Variants in CCDC178 observed in about 807,000 individuals in gnomAD.
CCDC178 encodes coiled-coil domain-containing protein 178.
In CCDC178, 126 loss-of-function variants were observed where a neutral mutation model predicts 117.4. The ratio of observed to expected loss-of-function variants is 1.07; its 90% CI spans 0.93 to 1.24. CCDC178 has a LOEUF of 1.24. Ranked by LOEUF, CCDC178 falls within the 50% of genes most tolerant of loss-of-function variation. The probability of loss-of-function intolerance (pLI) is 0.00; values close to 1 mark genes in which losing one functional copy is unlikely to be tolerated. For missense variants in CCDC178, 1,030 were observed against 986.9 expected (o/e 1.04, Z -0.59); for synonymous variants, 283 against 313.4 (o/e 0.90, Z 1.02).
chr18:33,060,379 T>A (rs1241049451), intron 21 of CCDC178, among the ~76,000 whole-genome samples: 1 of 152,126 alleles, frequency 6.6e-6, no homozygotes, highest in Non-Finnish European at 1.5e-5. Context: ...CCATTGCTAA[T>A]GGTGCCACAT....
intron 5 of CCDC178, among the ~76,000 whole-genome samples, chr18:33,381,161 T>C (rs935871448): frequency 2.6e-5 from 4 of 152,164 alleles, no homozygotes; most frequent in African/African-American, 9.7e-5. Flanking sequence ...CTAATCTCTT[T>C]CGTATTCATT....
chr18:33,305,414 C>A (rs1234357143), intron 11 of CCDC178, among the ~76,000 whole-genome samples: 1 of 152,074 alleles, frequency 6.6e-6, no homozygotes, highest in Non-Finnish European at 1.5e-5. Context: ...CACAGGGATG[C>A]CTGGCACAAG....
At chr18:33,323,708 TATTG>T (rs2062548346) in intron 10 of CCDC178, 75 bp from the exon 11 acceptor site, 2 of 894,706 alleles carry the variant, frequency 2.2e-6, no homozygotes, top group African/African-American at 3.5e-5. Flanking sequence ...CTTAGTGTAG[TATTG>T]ATTTAGATCA....
At chr18:33,439,229 A>C (rs2064340267) in intron 2 of CCDC178, among the ~76,000 whole-genome samples, 1 of 152,226 alleles carries the variant, frequency 6.6e-6, no homozygotes. Flanking sequence ...AAAGAAGAAT[A>C]TATGCAATTA....
intron 20 of CCDC178, among the ~76,000 whole-genome samples, chr18:33,117,328 T>C (rs1304665884): frequency 2.0e-5 from 3 of 152,090 alleles, no homozygotes; most frequent in Non-Finnish European, 4.4e-5. Flanking sequence ...ATGGTGTTTA[T>C]GGCAATTAAT....
At chr18:33,079,996 T>C (rs1301006745) in intron 21 of CCDC178, among the ~76,000 whole-genome samples, 2 of 152,206 alleles carry the variant, frequency 1.3e-5, no homozygotes, top group Non-Finnish European at 2.9e-5. Context: ...TGCAGCACTC[T>C]TCACAATAGC....
At chr18:33,050,674 G>C (rs1478480499) in intron 21 of CCDC178, among the ~76,000 whole-genome samples, 5 of 152,118 alleles carry the variant, frequency 3.3e-5, no homozygotes, top group African/African-American at 4.8e-5. Flanking sequence ...GTGGATTAAG[G>C]AGCTAGTGCA....
chr18:33,166,369 T>C (rs1162136691), intron 20 of CCDC178, among the ~76,000 whole-genome samples: 1 of 152,202 alleles, frequency 6.6e-6, no homozygotes, highest in Non-Finnish European at 1.5e-5. Flanking sequence ...TGTCACAAAA[T>C]ATTTTATTGC....
At chr18:33,313,206 G>A (rs182271417) in intron 11 of CCDC178, among the ~76,000 whole-genome samples, 20 of 152,250 alleles carry the variant, frequency 1.3e-4, no homozygotes, top group African/African-American at 4.6e-4. Flanking sequence ...GAAGAAAGGG[G>A]CATGTTAACC....
chr18:32,983,561 G>A (rs1002460569), intron 21 of CCDC178, among the ~76,000 whole-genome samples: 3 of 151,918 alleles, frequency 2.0e-5, no homozygotes, highest in African/African-American at 7.2e-5. Flanking sequence ...TTAAAGCTTT[G>A]ACAAAATACG....
At position 33,140,762 on chromosome 18, in the gene CCDC178, G is replaced by A. The variant is rs187978158; in HGVS notation, c.2239-47852C>T. ...TACCAAAATGAGTTAAGAATTTGGG[G>A]CACTGTTGGGAAGGCATGATTGGTT... is the stretch of plus-strand genomic sequence containing the variant. On this transcript the variant is annotated intron_variant, in intron 20 of 22. Coordinates refer to ENST00000383096, the MANE Select transcript of CCDC178 (RefSeq NM_001105528.4). Among the ~76,000 whole-genome samples, 3 of 152,248 alleles carry A rather than the reference G, an allele frequency of 2.0e-5. No individual in the cohort carries two copies. The East Asian group carries it at 5.8e-4, about 29-fold the overall frequency.
intron 22 of CCDC178, chr18:32,956,668 A>C (rs1370726591): frequency 6.6e-6 from 1 of 152,158 alleles, no homozygotes; most frequent in African/African-American, 2.4e-5. Flanking sequence ...AATAAGCACA[A>C]ATTGAAAATA....
intron 11 of CCDC178, among the ~76,000 whole-genome samples, chr18:33,305,953 G>T (rs1192230369): frequency 6.6e-6 from 1 of 152,100 alleles, no homozygotes; most frequent in African/African-American, 2.4e-5. Flanking sequence ...AGACACCAGG[G>T]ATCCCTGGGT....
intron 6 of CCDC178, among the ~76,000 whole-genome samples, chr18:33,359,567 A>G (rs1441897646): frequency 6.6e-6 from 1 of 151,676 alleles, no homozygotes; most frequent in Non-Finnish European, 1.5e-5. Flanking sequence ...AAATTTTAGA[A>G]GTTTATCAAA....
chr18:32,994,135 A>G (rs1004302480), intron 21 of CCDC178, among the ~76,000 whole-genome samples: 4 of 152,210 alleles, frequency 2.6e-5, no homozygotes, highest in South Asian at 2.1e-4. Context: ...AGAGTTACCC[A>G]TGAATCTTTC....
At chr18:33,282,563 T>G (rs1371471998) in intron 12 of CCDC178, among the ~76,000 whole-genome samples, 1 of 152,152 alleles carries the variant, frequency 6.6e-6, no homozygotes, top group African/African-American at 2.4e-5. Flanking sequence ...GCTTCTGCAT[T>G]GGTAAACCAT....
At chr18:33,088,059 G>T (rs769221562) in intron 21 of CCDC178, among the ~76,000 whole-genome samples, 1 of 152,018 alleles carries the variant, frequency 6.6e-6, no homozygotes, top group African/African-American at 2.4e-5. Flanking sequence ...TTCTCTTGGT[G>T]GGGTGAAGAA....
intron 18 of CCDC178, among the ~76,000 whole-genome samples, chr18:33,216,590 C>A (rs922727136): frequency 1.3e-5 from 2 of 152,048 alleles, no homozygotes; most frequent in African/African-American, 4.8e-5. Flanking sequence ...CTATTTTCCC[C>A]ATATGCTTCC....
chr18:33,000,956 T>C (rs755844182), intron 21 of CCDC178, among the ~76,000 whole-genome samples: 1 of 152,208 alleles, frequency 6.6e-6, no homozygotes, highest in Non-Finnish European at 1.5e-5. Flanking sequence ...TGTAAAGTAC[T>C]CATTCTTAAG....
Sources: gnomAD v4.1 joint callset for allele counts (sites outside exome capture counted in the v4.1 genomes callset) on GRCh38, gnomAD v4.1.1 for gene constraint, MANE v1.5 for transcripts, NCBI Gene and HGNC (gene_info 2026-07-23, HGNC 2026-07-21) for gene names.